The following DDI1 variants were observed in gnomAD, a reference collection of about 807,000 sequenced individuals.
DDI1 encodes the protein DDI proteasomal shuttling factor 1.
In DDI1, 6 loss-of-function variants were observed where a neutral mutation model predicts 7.2. That is an observed-to-expected ratio of 0.83 (90% CI 0.46 to 1.64). DDI1 has a LOEUF of 1.64. Among genes scored for constraint, DDI1 ranks in the 40% most tolerant of loss-of-function variants. DDI1 has a pLI of 0.01. For missense variants in DDI1, 502 were observed against 516.6 expected (o/e 0.97, Z 0.27); for synonymous variants, 221 against 201.7 (o/e 1.10, Z -0.81).
rs1565317284 is a variant in DDI1, at chr11:104,037,433, A to C, written c.611A>C (p.Asp204Ala). 1 of 1,614,084 alleles carries C rather than the reference A, an allele frequency of 6.2e-7. No homozygotes were observed. Among genetic ancestry groups the C allele is most frequent in the Admixed American group, 1.7e-5 (1 of 60,032 alleles). The change falls in exon 1 of 1, where the codon GAC (aspartate) becomes GCC (alanine). Residue 204 changes from aspartate to alanine, a missense_variant. Coordinates refer to ENST00000302259, the MANE Select transcript of DDI1 (RefSeq NM_001001711.3). ...GAGAGGCTTCGTCTCTACACAGCCG[A>C]CCCACTGGATCGGGAAGCTCAGGCC... ...EQERLRLYTA[D>A]PLDREAQAKI...
chr11:104,037,907 C>A lies in DDI1; in HGVS notation c.1085C>A (p.Pro362His). 1.2e-6 allele frequency: 2 copies of A among 1,614,080 alleles called. No individual in the cohort carries two copies. Among genetic ancestry groups the A allele is most frequent in the Non-Finnish European group, 1.7e-6 (2 of 1,180,020 alleles). The part of the protein sequence containing the change: ...GTTGTQTYFL[P>H]EGELPLCSRM... Reference sequence around the variant, plus strand: ...ACTGGCACGCAGACTTATTTTCTTCCTGAGGGAGAGTTGCCCTTATGCTCT... The same window carrying A: ...ACTGGCACGCAGACTTATTTTCTTCATGAGGGAGAGTTGCCCTTATGCTCT... Residue 362 changes from proline to histidine, a missense_variant, in exon 1 of 1, where the codon CCT becomes CAT. By Grantham distance (77) the Pro-to-His change is moderately conservative. Transcript: ENST00000302259.
rs1388424304 is a variant in DDI1, at chr11:104,038,685, A to AT, written c.*674dup. On this transcript the variant is annotated 3_prime_UTR_variant, in exon 1 of 1. Coordinates refer to ENST00000302259, the MANE Select transcript of DDI1 (RefSeq NM_001001711.3). The stretch of plus-strand genomic sequence containing the variant: ...GTGGATTTATCTCCAAGGATGCTAC[A>AT]TTAATTTTCTATTTCTCCTGCATTC... 1 of 167,092 alleles carries AT rather than the reference A, an allele frequency of 6.0e-6. No individual in the cohort carries two copies. The highest frequency in any genetic ancestry group is 1.5e-5 in the Non-Finnish European group (1 of 68,120). 10.4% of individuals were successfully genotyped at this position (167,092 alleles called of 1,614,324 possible).
At position 104,037,376 on chromosome 11, in the gene DDI1, A is replaced by T. The variant is rs140364909; in HGVS notation, c.554A>T (p.Glu185Val). ...SLETFSQVLM[E>V]QQREKALREQ... Reference sequence around the variant, plus strand: ...GAGACCTTTTCTCAGGTGCTGATGGAGCAGCAAAGGGAAAAGGCCTTGAGA... The same window carrying T: ...GAGACCTTTTCTCAGGTGCTGATGGTGCAGCAAAGGGAAAAGGCCTTGAGA... Residue 185 changes from glutamate to valine, a missense_variant, in exon 1 of 1, where the codon GAG becomes GTG. Glu to Val is a moderately radical substitution (Grantham distance 121). Transcript: ENST00000302259. The T allele has an allele frequency of 1.2e-6, 2 of 1,614,006 alleles. No individual in the cohort carries two copies. Among genetic ancestry groups the T allele is most frequent in the Non-Finnish European group, 1.7e-6 (2 of 1,180,052 alleles).
Position 104,037,875 on chromosome 11 carries a change from C to T in DDI1, c.1053C>T (p.Ile351=), listed in dbSNP as rs1226735014. The change falls in exon 1 of 1, where the codon ATC becomes ATT. Residue 351 remains isoleucine (I), a synonymous_variant. Coordinates refer to ENST00000302259, the MANE Select transcript of DDI1 (RefSeq NM_001001711.3). ...ATTTGAAGAAAAATGTGCTGGTCAT[C>T]GGCACCACTGGCACGCAGACTTATT... ...SIDLKKNVLV[I]GTTGTQTYFL... The T allele has an allele frequency of 1.7e-5, 27 of 1,613,996 alleles. No individual in the cohort carries two copies. In the Middle Eastern group the frequency reaches 4.9e-4, roughly 29 times the overall value.
chr11:104,037,299 G>C lies in DDI1; in HGVS notation c.477G>C (p.Leu159=). The C allele has an allele frequency of 6.2e-7, 1 of 1,613,520 alleles. No homozygotes were observed. The highest frequency in any genetic ancestry group is 8.5e-7 in the Non-Finnish European group (1 of 1,179,546). ...TCTCCAACCCCCACGATCTGTCCCT[G>C]CTCAAGGAACGCAACCCTCCCTTGG... ...MLLSNPHDLS[L]LKERNPPLAE... Residue 159 remains leucine (L), a synonymous_variant, in exon 1 of 1, where the codon CTG becomes CTC. Coordinates refer to ENST00000302259, the MANE Select transcript of DDI1 (RefSeq NM_001001711.3).
chr11:104,037,665 G>A lies in DDI1; in HGVS notation c.843G>A (p.Leu281=). The part of the protein sequence containing the change: ...ACAERCNIMR[L]VDRRWAGVAK... ...CCGAGCGATGTAACATCATGAGGCT[G>A]GTGGACCGACGGTGGGCTGGGGTTG... is the stretch of plus-strand genomic sequence containing the variant. The change falls in exon 1 of 1, where the codon CTG becomes CTA. Residue 281 remains leucine (L), a synonymous_variant. Transcript: ENST00000302259. 6.2e-7 allele frequency: 1 copy of A among 1,614,148 alleles called. No individual in the cohort carries two copies. Among genetic ancestry groups the A allele is most frequent in the Admixed American group, 1.7e-5 (1 of 60,024 alleles).
At position 104,037,608 on chromosome 11, in the gene DDI1, C is replaced by T. The variant is rs749546050; in HGVS notation, c.786C>T (p.Gly262=). The T allele has an allele frequency of 5.0e-6, 8 of 1,613,850 alleles. No individual in the cohort carries two copies. Among genetic ancestry groups the T allele is most frequent in the African/African-American group, 2.7e-5 (2 of 74,840 alleles). The change falls in exon 1 of 1, where the codon GGC becomes GGT. Residue 262 remains glycine, a synonymous_variant. Coordinates refer to ENST00000302259, the MANE Select transcript of DDI1 (RefSeq NM_001001711.3). ...GHPLKAFVDS[G]AQMTIMSQAC... ...CTTTGAAGGCTTTTGTTGACTCGGG[C>T]GCCCAGATGACCATTATGAGCCAGG...
In DDI1 at chr11:104,037,849, G is replaced by T; in HGVS notation, c.1027G>T (p.Asp343Tyr). The change falls in exon 1 of 1, where the codon GAT becomes TAT. Residue 343 changes from aspartate (D) to tyrosine (Y), a missense_variant. By Grantham distance (160) the Asp-to-Tyr change is radical. Transcript: ENST00000302259. Reference sequence around the variant, plus strand: ...GCTCCGGAGACATCAATGTTCCATCGATTTGAAGAAAAATGTGCTGGTCAT... The same window carrying T: ...GCTCCGGAGACATCAATGTTCCATCTATTTGAAGAAAAATGTGCTGGTCAT... ...DMLRRHQCSIDLKKNVLVIGT... is the reference protein window; with the variant it reads ...DMLRRHQCSIYLKKNVLVIGT... 1 of 1,614,122 alleles carries T rather than the reference G, an allele frequency of 6.2e-7. No individual in the cohort carries two copies. The highest frequency in any genetic ancestry group is 2.2e-5 in the East Asian group (1 of 44,884).
Position 104,037,788 on chromosome 11 carries a change from G to C in DDI1, c.966G>C (p.Glu322Asp), listed in dbSNP as rs1322549560. 1.9e-6 allele frequency: 3 copies of C among 1,614,122 alleles called. No homozygotes were observed. Among genetic ancestry groups the C allele is most frequent in the Admixed American group, 3.3e-5 (2 of 60,014 alleles). Residue 322 changes from glutamate to aspartate, a missense_variant, in exon 1 of 1, where the codon GAG becomes GAC. Coordinates refer to ENST00000302259, the MANE Select transcript of DDI1 (RefSeq NM_001001711.3). ...DFLQCSFSIL[E>D]DQPMDMLLGL... is the part of the protein sequence containing the mutation. ...TACAGTGCTCTTTCTCCATACTTGA[G>C]GATCAACCCATGGATATGCTTCTAG...
Position 104,038,090 on chromosome 11 carries a change from T to C in DDI1, c.*77T>C. The C allele has an allele frequency of 1.4e-6, 2 of 1,402,118 alleles. No individual in the cohort carries two copies. The highest frequency in any genetic ancestry group is 1.9e-6 in the Non-Finnish European group (2 of 1,041,000). The allele number at this position is 1,402,118 out of a possible 1,614,324, so 86.9% of individuals were successfully genotyped here. A position where few individuals can be genotyped will look rare whatever the true frequency, so the allele number is the denominator to read the frequency against. ...TTATAAGTTAAGAGCTTACTGGCAA[T>C]GTAATCATTAAAAAACATCAGTAAC... On this transcript the variant is annotated 3_prime_UTR_variant, in exon 1 of 1. Transcript: ENST00000302259.
Position 104,037,701 on chromosome 11 carries a change from G to A in DDI1, c.879G>A (p.Val293=). 6.2e-7 allele frequency: 1 copy of A among 1,614,048 alleles called. No individual in the cohort carries two copies. The highest frequency in any genetic ancestry group is 2.2e-5 in the East Asian group (1 of 44,868). The change falls in exon 1 of 1, where the codon GTG becomes GTA. Residue 293 remains valine (V), a synonymous_variant. Coordinates refer to ENST00000302259, the MANE Select transcript of DDI1 (RefSeq NM_001001711.3). ...DRRWAGVAKG[V]GTQRIIGRVH... The stretch of plus-strand genomic sequence containing the variant: ...GGTGGGCTGGGGTTGCTAAAGGAGT[G>A]GGCACACAGAGAATTATTGGCCGTG...
Position 104,038,167 on chromosome 11 carries a change from C to G in DDI1, c.*154C>G. The stretch of plus-strand genomic sequence containing the variant: ...TCTCAGATGGGTAACTAACGTCAAT[C>G]CTGATTCCTTGGTCTTGGTCCCTCT... On this transcript the variant is annotated 3_prime_UTR_variant, in exon 1 of 1. Transcript: ENST00000302259. 2 of 750,546 alleles carry G rather than the reference C, an allele frequency of 2.7e-6. No individual in the cohort carries two copies. The highest frequency in any genetic ancestry group is 4.3e-6 in the Non-Finnish European group (2 of 462,204). 46.5% of individuals were successfully genotyped at this position (750,546 alleles called of 1,614,324 possible).
In DDI1 at chr11:104,037,855, A is replaced by T. The variant is rs755538056; in HGVS notation, c.1033A>T (p.Lys345Ter). 1 of 1,614,138 alleles carries T rather than the reference A, an allele frequency of 6.2e-7. No individual in the cohort carries two copies. The highest frequency in any genetic ancestry group is 2.2e-5 in the East Asian group (1 of 44,886). The change falls in exon 1 of 1, where the codon AAG becomes TAG. Residue 345 changes from lysine (K) to a stop codon, truncating the protein, a stop_gained. Transcript: ENST00000302259. LOFTEE classifies it low-confidence loss of function (END_TRUNC). Reference sequence around the variant, plus strand: ...GAGACATCAATGTTCCATCGATTTGAAGAAAAATGTGCTGGTCATCGGCAC... The same window carrying T: ...GAGACATCAATGTTCCATCGATTTGTAGAAAAATGTGCTGGTCATCGGCAC... Reference protein sequence around the residue: ...LRRHQCSIDLKKNVLVIGTTG... With the variant: ...LRRHQCSIDL
At position 104,038,317 on chromosome 11, in the gene DDI1, G is replaced by T. The variant is rs377633128; in HGVS notation, c.*304G>T. On this transcript the variant is annotated 3_prime_UTR_variant, in exon 1 of 1. Transcript: ENST00000302259. Reference sequence around the variant, plus strand: ...TTCCTTTAGAGACACTATCCTATCAGATTACAGGTGGCTTATCCAAATCAT... The same window carrying T: ...TTCCTTTAGAGACACTATCCTATCATATTACAGGTGGCTTATCCAAATCAT... 60 of 299,820 alleles carry T rather than the reference G, an allele frequency of 2.0e-4. No individual in the cohort carries two copies. The highest frequency in any genetic ancestry group is 1.6e-3 in the South Asian group (20 of 12,382). 18.6% of individuals were successfully genotyped at this position (299,820 alleles called of 1,614,324 possible).
chr11:104,038,008 C>A lies in DDI1; in HGVS notation c.1186C>A (p.His396Asn). The A allele has an allele frequency of 6.2e-7, 1 of 1,609,562 alleles. No individual in the cohort carries two copies. Residue 396 changes from histidine (H) to asparagine (N), a missense_variant, in exon 1 of 1, where the codon CAT becomes AAT. Coordinates refer to ENST00000302259, the MANE Select transcript of DDI1 (RefSeq NM_001001711.3). ...HSVMDSGRKEH is the reference protein window; with the variant it reads ...HSVMDSGRKEN ...AGTCATGGATTCAGGACGAAAAGAGCATTAAAGCACGTTATAAATATGTTA... is the reference window on the plus strand; with the variant it reads ...AGTCATGGATTCAGGACGAAAAGAGAATTAAAGCACGTTATAAATATGTTA...
rs56847546 is a variant in DDI1, at chr11:104,037,299, G to T, written c.477G>T (p.Leu159=). The T allele has an allele frequency of 1.6e-3, 2,661 of 1,613,520 alleles. 43 individuals carry two copies. The highest frequency in any genetic ancestry group is 0.013 in the East Asian group (580 of 44,838). ...MLLSNPHDLS[L]LKERNPPLAE... ...TCTCCAACCCCCACGATCTGTCCCT[G>T]CTCAAGGAACGCAACCCTCCCTTGG... The change falls in exon 1 of 1, where the codon CTG becomes CTT. Residue 159 remains leucine (L), a synonymous_variant. Coordinates refer to ENST00000302259, the MANE Select transcript of DDI1 (RefSeq NM_001001711.3).
At position 104,037,251 on chromosome 11, in the gene DDI1, C is replaced by T; in HGVS notation, c.429C>T (p.Pro143=). The T allele has an allele frequency of 6.2e-7, 1 of 1,613,728 alleles. No individual in the cohort carries two copies. The highest frequency in any genetic ancestry group is 8.5e-7 in the Non-Finnish European group (1 of 1,179,898). Residue 143 remains proline (P), a synonymous_variant, in exon 1 of 1, where the codon CCC becomes CCT. Transcript: ENST00000302259. ...CCGGCCTGCAAGGTCTGGGCAGCCCCGCCCTGATCCGCAGCATGCTGCTCT... is the reference window on the plus strand; with the variant it reads ...CCGGCCTGCAAGGTCTGGGCAGCCCTGCCCTGATCCGCAGCATGCTGCTCT... ...KVAGLQGLGS[P]ALIRSMLLSN...
At position 104,039,169 on chromosome 11, in the gene DDI1, A is replaced by G. The variant is rs4754098; in HGVS notation, c.*1156A>G. The G allele has an allele frequency of 0.47, 78,609 of 166,740 alleles. 19,049 individuals carry two copies. Among genetic ancestry groups the G allele is most frequent in the Admixed American group, 0.57 (8,747 of 15,268 alleles). The allele number at this position is 166,740 out of a possible 1,614,324, so 10.3% of individuals were successfully genotyped here. A position where few individuals can be genotyped will look rare whatever the true frequency, so the allele number is the denominator to read the frequency against. ...TTCAGGACAATAATTTATCAAAACT[A>G]GTATTAAAACAGCGGATTCAAAATC... is the stretch of plus-strand genomic sequence containing the variant. On this transcript the variant is annotated 3_prime_UTR_variant, in exon 1 of 1. Transcript: ENST00000302259.
chr11:104,036,662 C>T lies in DDI1; in HGVS notation c.-161C>T. On this transcript the variant is annotated 5_prime_UTR_variant, in exon 1 of 1. Coordinates refer to ENST00000302259, the MANE Select transcript of DDI1 (RefSeq NM_001001711.3). ...GGCACTGAGGCTGGGAGACAGCCCC[C>T]AGACAGATGAGTGTCCGCGCCTCTC... The T allele has an allele frequency of 1.6e-6, 1 of 637,688 alleles. No individual in the cohort carries two copies. The highest frequency in any genetic ancestry group is 1.9e-5 in the South Asian group (1 of 54,040). 39.5% of individuals were successfully genotyped at this position (637,688 alleles called of 1,614,324 possible). A position where few individuals can be genotyped will look rare whatever the true frequency, so the allele number is the denominator to read the frequency against.
Sources: allele counts gnomAD v4.1 joint callset, GRCh38; gene constraint gnomAD v4.1.1; transcripts MANE v1.5; gene names NCBI Gene and HGNC (gene_info 2026-07-23, HGNC 2026-07-21).